The following PLCL1 variants were observed in gnomAD, a reference collection of about 807,000 sequenced individuals.
PLCL1 encodes inactive phospholipase C-like protein 1.
Under a neutral mutation model 84.4 loss-of-function variants are expected in PLCL1, and 41 were observed. The observed-to-expected ratio is 0.49, with a 90% CI of 0.38 to 0.63. The LOEUF is 0.63. Among genes scored for constraint, PLCL1 ranks in the 30% least tolerant of loss-of-function variants. The pLI, the probability that PLCL1 is intolerant of heterozygous loss-of-function variation, is 0.00. For synonymous variants in PLCL1, 490 were observed against 488.3 expected, an observed-to-expected ratio of 1.00 and a Z score of -0.05; for missense variants, 1,206 against 1,367.8, an observed-to-expected ratio of 0.88 and a Z score of 1.87.
chr2:198,058,467 G>A (rs953360649), intron 1 of PLCL1, among the ~76,000 whole-genome samples: 2 of 151,746 alleles, frequency 1.3e-5, no homozygotes, highest in South Asian at 4.1e-4. Context: ...GAATTTTCAG[G>A]AATAAAAAGT....
At chr2:197,825,619 G>T (rs1449998805) in intron 1 of PLCL1, among the ~76,000 whole-genome samples, 1 of 152,122 alleles carries the variant, frequency 6.6e-6, no homozygotes, top group Non-Finnish European at 1.5e-5. Context: ...TTCCTTAAGG[G>T]AATCTTGCCC....
chr2:198,140,094 C>A (rs1694349520), intron 5 of PLCL1, among the ~76,000 whole-genome samples: 1 of 152,008 alleles, frequency 6.6e-6, no homozygotes, highest in Non-Finnish European at 1.5e-5. Context: ...ACAACACACC[C>A]AGCTAATTTT....
chr2:198,138,616 C>A (rs998075341), intron 5 of PLCL1, among the ~76,000 whole-genome samples: 1 of 152,024 alleles, frequency 6.6e-6, no homozygotes, highest in Non-Finnish European at 1.5e-5. Context: ...AGAGGTAAGT[C>A]TAAATGAAAT....
intron 1 of PLCL1, among the ~76,000 whole-genome samples, chr2:197,835,121 G>T (rs923041927): frequency 6.6e-6 from 1 of 152,140 alleles, no homozygotes; most frequent in Admixed American, 6.5e-5. Flanking sequence ...GACACAGGGA[G>T]GGGAACATCA....
At chr2:198,040,506 G>C (rs1179951999) in intron 1 of PLCL1, among the ~76,000 whole-genome samples, 3 of 152,172 alleles carry the variant, frequency 2.0e-5, no homozygotes, top group Non-Finnish European at 2.9e-5. Context: ...GAACCCAGCT[G>C]TCAGCAATGG....
At position 198,055,325 on chromosome 2, in the gene PLCL1, C is replaced by G. The variant is rs552678932; in HGVS notation, c.241-28433C>G. Reference sequence around the variant, plus strand: ...TCTCTCTCTCTCTCTCTCTCTCTCTCTCTCTGTGTGTGTGTGTGTCTGTGT... The same window carrying G: ...TCTCTCTCTCTCTCTCTCTCTCTCTGTCTCTGTGTGTGTGTGTGTCTGTGT... On this transcript the variant is annotated intron_variant, in intron 1 of 5. Coordinates refer to ENST00000428675, the MANE Select transcript of PLCL1 (RefSeq NM_006226.4). Among the ~76,000 whole-genome samples the G allele has an allele frequency of 3.7e-3, 407 of 108,986 alleles. 7 individuals carry two copies. In the South Asian group the frequency reaches 0.048, roughly 13 times the overall value. 71.5% of individuals were successfully genotyped at this position (108,986 alleles called of 152,430 possible).
intron 1 of PLCL1, among the ~76,000 whole-genome samples, chr2:197,999,933 A>G (rs1273307644): frequency 6.6e-6 from 1 of 152,220 alleles, no homozygotes; most frequent in Non-Finnish European, 1.5e-5. Context: ...GCAGTCACAC[A>G]TAGCTGAAAA....
At position 197,805,657 on chromosome 2, in the gene PLCL1, G is replaced by C. The variant is rs1690458368; in HGVS notation, c.240+318G>C. On this transcript the variant is annotated intron_variant, in intron 1 of 5. Coordinates refer to ENST00000428675, the MANE Select transcript of PLCL1 (RefSeq NM_006226.4). This position sits in a 1 kb window ranked among gnomAD's most constrained non-coding sequence, Gnocchi z 4.0. Reference sequence around the variant, plus strand: ...ATGGAGGGAGGAAGGGAGAACTCTGGATAAATGCAGACCCACCGGATGGTT... The same window carrying C: ...ATGGAGGGAGGAAGGGAGAACTCTGCATAAATGCAGACCCACCGGATGGTT... Among the ~76,000 whole-genome samples, 2 of 152,170 alleles carry C rather than the reference G, an allele frequency of 1.3e-5. No homozygotes were observed. Among genetic ancestry groups the C allele is most frequent in the Admixed American group, 6.5e-5 (1 of 15,282 alleles).
chr2:197,917,844 G>A (rs1292659083), intron 1 of PLCL1, among the ~76,000 whole-genome samples: 1 of 152,140 alleles, frequency 6.6e-6, no homozygotes, highest in Non-Finnish European at 1.5e-5. Context: ...ACAAGAATGG[G>A]TTATATCAAA....
At chr2:198,120,266 A>C (rs1196021978) in intron 5 of PLCL1, among the ~76,000 whole-genome samples, 1 of 152,034 alleles carries the variant, frequency 6.6e-6, no homozygotes, top group Admixed American at 6.6e-5. Flanking sequence ...CATAATAATC[A>C]CATCATGGAA....
chr2:198,064,846 C>CAT (rs1188651954), intron 1 of PLCL1, among the ~76,000 whole-genome samples: 1 of 152,142 alleles, frequency 6.6e-6, no homozygotes, highest in Admixed American at 6.5e-5. Flanking sequence ...AGAGAGCACC[C>CAT]ATTTATCCTC....
At position 198,136,063 on chromosome 2, in the gene PLCL1, T is replaced by G. The variant is rs545072929; in HGVS notation, c.3106-10717T>G. Among the ~76,000 whole-genome samples, 209 of 152,298 alleles carry G rather than the reference T, an allele frequency of 1.4e-3. 1 individual carries two copies. The highest frequency in any genetic ancestry group is 4.9e-3 in the African/African-American group (202 of 41,578). The stretch of plus-strand genomic sequence containing the variant: ...TTTTTTGGACTAATGAGTAATGCAA[T>G]CCTGGCTTTTATTGTCGCATTTTAT... On this transcript the variant is annotated intron_variant, in intron 5 of 5. Transcript: ENST00000428675.
At chr2:198,078,625 C>T (rs1692637706) in intron 1 of PLCL1, among the ~76,000 whole-genome samples, 1 of 152,026 alleles carries the variant, frequency 6.6e-6, no homozygotes, top group Admixed American at 6.6e-5. Context: ...GATTCCTTCT[C>T]ATCACAGTTT....
At chr2:198,138,040 A>C (rs563619466) in intron 5 of PLCL1, among the ~76,000 whole-genome samples, 6 of 152,332 alleles carry the variant, frequency 3.9e-5, no homozygotes, top group Admixed American at 1.3e-4. Flanking sequence ...GCAGTACAAC[A>C]TGATGAAAAA....
At chr2:197,966,308 A>G (rs1326398952) in intron 1 of PLCL1, among the ~76,000 whole-genome samples, 1 of 152,112 alleles carries the variant, frequency 6.6e-6, no homozygotes. Context: ...CTCTGAGCCC[A>G]GCACAGCACC....
At chr2:198,102,394 A>G (rs1435935097) in intron 4 of PLCL1, among the ~76,000 whole-genome samples, 1 of 152,078 alleles carries the variant, frequency 6.6e-6, no homozygotes, top group East Asian at 1.9e-4. Flanking sequence ...TAAGTGGTAG[A>G]GCTGGGCTCC....
At chr2:198,138,738 G>C (rs568562400) in intron 5 of PLCL1, among the ~76,000 whole-genome samples, 1 of 152,102 alleles carries the variant, frequency 6.6e-6, no homozygotes, top group Non-Finnish European at 1.5e-5. Context: ...GTCAGATAAT[G>C]GTTTTAACCT....
At chr2:197,860,199 C>A (rs536385425) in intron 1 of PLCL1, among the ~76,000 whole-genome samples, 4 of 152,102 alleles carry the variant, frequency 2.6e-5, no homozygotes, top group African/African-American at 9.6e-5. Flanking sequence ...CTGCAAAGGA[C>A]ATGATATCAT....
chr2:198,001,723 C>A (rs1386225763), intron 1 of PLCL1, among the ~76,000 whole-genome samples: 3 of 152,128 alleles, frequency 2.0e-5, no homozygotes, highest in Admixed American at 1.3e-4. Context: ...GGCCCCACAG[C>A]AGGAGGTGAG....
Sources: gnomAD v4.1 joint callset for allele counts (sites outside exome capture counted in the v4.1 genomes callset) on GRCh38, gnomAD v4.1.1 for gene constraint, Gnocchi (gnomAD v3.1) non-coding constraint, MANE v1.5 for transcripts, NCBI Gene and HGNC (gene_info 2026-07-23, HGNC 2026-07-21) for gene names.